The following STIM2 variants were observed in gnomAD, a reference collection of about 807,000 sequenced individuals.
The protein encoded by STIM2 is stromal interaction molecule 2.
STIM2 carries 31 observed loss-of-function variants against 85.8 expected under a neutral mutation model. The observed-to-expected ratio is 0.36, with a 90% CI of 0.27 to 0.49. The LOEUF (loss-of-function observed/expected upper bound fraction) is 0.49, where lower values mean the gene tolerates loss of function less well. Ranked by LOEUF, STIM2 falls within the 20% of genes least tolerant of loss-of-function variation. STIM2 has a pLI of 0.98. For missense variants in STIM2, 841 were observed against 927.6 expected, an observed-to-expected ratio of 0.91 and a Z score of 1.21; for synonymous variants, 356 against 331.1, an observed-to-expected ratio of 1.08 and a Z score of -0.82.
At chr4:26,891,113 A>T (rs1560196712) in intron 1 of STIM2, among the ~76,000 whole-genome samples, 1 of 152,148 alleles carries the variant, frequency 6.6e-6, no homozygotes, top group African/African-American at 2.4e-5. Context: ...GTGATGGATA[A>T]TTTTTTGTGT....
Position 27,023,969 on chromosome 4 carries a change from G to A in STIM2, c.*973G>A, listed in dbSNP as rs1202880088. 2 of 152,548 alleles carry A rather than the reference G, an allele frequency of 1.3e-5. No homozygotes were observed. Among genetic ancestry groups the A allele is most frequent in the Admixed American group, 1.3e-4 (2 of 15,264 alleles). 9.4% of individuals were successfully genotyped at this position (152,548 alleles called of 1,614,324 possible). A position where few individuals can be genotyped will look rare whatever the true frequency, so the allele number is the denominator to read the frequency against. ...AATAAATTGAAGACATTATTGTGTG[G>A]GATTGTGCTGATTTTTGTTGATAAC... On this transcript the variant is annotated 3_prime_UTR_variant, in exon 12 of 12. Coordinates refer to ENST00000467087, the MANE Select transcript of STIM2 (RefSeq NM_020860.4).
chr4:27,007,352 T>A (rs1167348330), intron 7 of STIM2, among the ~76,000 whole-genome samples, 181 bp from the exon 8 acceptor site: 1 of 151,776 alleles, frequency 6.6e-6, no homozygotes, highest in African/African-American at 2.4e-5. Flanking sequence ...TCTCGCTCTG[T>A]TGTCAGCCTT....
chr4:26,932,688 A>G (rs902499656), intron 2 of STIM2, among the ~76,000 whole-genome samples: 1 of 152,184 alleles, frequency 6.6e-6, no homozygotes. Context: ...CCTGTAAGTG[A>G]CCATGGAGAG....
chr4:26,898,718 A>G (rs1723798352), intron 1 of STIM2, among the ~76,000 whole-genome samples: 1 of 152,136 alleles, frequency 6.6e-6, no homozygotes, highest in Admixed American at 6.5e-5. Flanking sequence ...TATCCTTGCA[A>G]TCTACAGAAG....
rs1374832328 is a variant in STIM2, at chr4:26,957,675, G to A, written c.346G>A (p.Asp116Asn). 1 of 1,596,312 alleles carries A rather than the reference G, an allele frequency of 6.3e-7. No individual in the cohort carries two copies. Among genetic ancestry groups the A allele is most frequent in the Non-Finnish European group, 8.5e-7 (1 of 1,174,370 alleles). The change falls in exon 3 of 12, where the codon GAT becomes AAT. Residue 116 changes from aspartate (D) to asparagine (N), a missense_variant. Around this residue, in one of 3 missense-constraint regions of STIM2, gnomAD observed 408 missense variants for 525.4 expected, o/e 0.78. Transcript: ENST00000467087. ...TAAACACAGCCATCTGCACAGAGAAGATAAACATATAACGATTGAGGATTT... is the reference window on the plus strand; with the variant it reads ...TAAACACAGCCATCTGCACAGAGAAAATAAACATATAACGATTGAGGATTT...
intron 1 of STIM2, among the ~76,000 whole-genome samples, chr4:26,891,633 A>G (rs991355620): frequency 2.0e-5 from 3 of 151,624 alleles, no homozygotes; most frequent in Non-Finnish European, 4.4e-5. Flanking sequence ...TTTCTAGAAA[A>G]CCCTGACTGA....
intron 3 of STIM2, among the ~76,000 whole-genome samples, chr4:26,970,408 T>G (rs1038323996): frequency 1.3e-5 from 2 of 150,252 alleles, no homozygotes; most frequent in African/African-American, 4.9e-5. Flanking sequence ...CCCTACCCCC[T>G]CACAGGCCCC....
chr4:26,987,034 A>G (rs1560230845), intron 3 of STIM2, among the ~76,000 whole-genome samples: 3 of 152,214 alleles, frequency 2.0e-5, no homozygotes, highest in African/African-American at 7.2e-5. Flanking sequence ...CATGGGAGAA[A>G]GAGATTGCTT....
At chr4:27,003,476 C>T (rs1220057514) in intron 7 of STIM2, among the ~76,000 whole-genome samples, 2 of 152,152 alleles carry the variant, frequency 1.3e-5, no homozygotes, top group African/African-American at 4.8e-5. Flanking sequence ...CTCTATTAAA[C>T]ATCCATTTGA....
chr4:26,974,263 T>C (rs1727094394), intron 3 of STIM2, among the ~76,000 whole-genome samples: 1 of 152,232 alleles, frequency 6.6e-6, no homozygotes, highest in Non-Finnish European at 1.5e-5. Context: ...ATGTGTGATA[T>C]GATCCTTTCA....
intron 3 of STIM2, among the ~76,000 whole-genome samples, chr4:26,959,893 T>C (rs1726385544): frequency 6.6e-6 from 1 of 152,210 alleles, no homozygotes. Context: ...CAGTTGGCTA[T>C]ATAACCTTAC....
chr4:26,885,821 T>TTATATATATATATATATATATATATA (rs56851120), intron 1 of STIM2, among the ~76,000 whole-genome samples: 2 of 84,642 alleles, frequency 2.4e-5, no homozygotes, highest in African/African-American at 3.6e-5. Context: ...GCACCTCAGG[T>TTATATATATATATATATATATATATA]TATATATATA....
At chr4:26,892,401 G>A (rs1038582352) in intron 1 of STIM2, among the ~76,000 whole-genome samples, 1 of 152,136 alleles carries the variant, frequency 6.6e-6, no homozygotes, top group African/African-American at 2.4e-5. Context: ...GAGAGCGAGT[G>A]AGCTCCTGTT....
Position 26,889,703 on chromosome 4 carries a change from T to A in STIM2, c.151+28334T>A, listed in dbSNP as rs558200267. Among the ~76,000 whole-genome samples the A allele has an allele frequency of 2.0e-5, 3 of 152,224 alleles. No individual in the cohort carries two copies. In the East Asian group the frequency reaches 5.8e-4, roughly 29 times the overall value. On this transcript the variant is annotated intron_variant, in intron 1 of 11. Transcript: ENST00000467087. ...CCAGGTCGGCCTTGGTACATAGAAG[T>A]TCATGTTGCTGAGCCACCTTCCTCC...
In STIM2 at chr4:26,984,585, G is replaced by A. The variant is rs541207532; in HGVS notation, c.398-10794G>A. On this transcript the variant is annotated intron_variant, in intron 3 of 11. Transcript: ENST00000467087. ...TCGCCATGTTGGCCAGGCTGGTGTC[G>A]AACTCCTGGCCTCAAATGATCTGCC... Among the ~76,000 whole-genome samples the A allele has an allele frequency of 2.0e-3, 306 of 152,250 alleles. 1 individual carries two copies. The highest frequency in any genetic ancestry group is 7.0e-3 in the African/African-American group (292 of 41,542).
At chr4:26,984,892 A>G (rs1727527801) in intron 3 of STIM2, among the ~76,000 whole-genome samples, 1 of 152,220 alleles carries the variant, frequency 6.6e-6, no homozygotes, top group South Asian at 2.1e-4. Flanking sequence ...TAGTGTCTCT[A>G]AAAATTACAT....
At chr4:26,961,038 C>T (rs575743998) in intron 3 of STIM2, among the ~76,000 whole-genome samples, 5 of 151,860 alleles carry the variant, frequency 3.3e-5, no homozygotes, top group East Asian at 1.9e-4. Context: ...ATACTTGTAC[C>T]GCTAAAAAGA....
chr4:26,870,348 T>C (rs1172450661), intron 1 of STIM2, among the ~76,000 whole-genome samples: 1 of 152,086 alleles, frequency 6.6e-6, no homozygotes, highest in Non-Finnish European at 1.5e-5. Flanking sequence ...GTGAATTAGC[T>C]TCATTGTGGT....
At chr4:26,960,578 C>T (rs1323392134) in intron 3 of STIM2, among the ~76,000 whole-genome samples, 7 of 152,084 alleles carry the variant, frequency 4.6e-5, no homozygotes, top group African/African-American at 1.7e-4. Flanking sequence ...GTATTGGATG[C>T]TTAGTAATTT....
Sources: gnomAD v4.1 joint callset for allele counts (sites outside exome capture counted in the v4.1 genomes callset) on GRCh38, gnomAD v4.1.1 for gene constraint, gnomAD v4.1.1 regional missense constraint, MANE v1.5 for transcripts, NCBI Gene and HGNC (gene_info 2026-07-23, HGNC 2026-07-21) for gene names.